The following SDC1 variants were observed in gnomAD, a reference collection of about 807,000 sequenced individuals.
SDC1 encodes the protein syndecan 1.
In SDC1, 14 loss-of-function variants were observed where a neutral mutation model predicts 29.7. The observed-to-expected ratio is 0.47, with a 90% CI of 0.31 to 0.74. The LOEUF (loss-of-function observed/expected upper bound fraction) is 0.74, where lower values mean the gene tolerates loss of function less well. Ranked by LOEUF, SDC1 falls within the 30% of genes least tolerant of loss-of-function variation. The pLI, the probability that SDC1 is intolerant of heterozygous loss-of-function variation, is 0.05. For missense variants in SDC1, 406 were observed against 400.3 expected, an observed-to-expected ratio of 1.01 and a Z score of -0.12; for synonymous variants, 204 against 175.5, an observed-to-expected ratio of 1.16 and a Z score of -1.29.
chr2:20,219,953 G>C (rs925669006), intron 1 of SDC1, among the ~76,000 whole-genome samples: 4 of 152,194 alleles, frequency 2.6e-5, no homozygotes, highest in African/African-American at 9.6e-5. Flanking sequence ...AAAAGAATCT[G>C]CTAATTCCAA....
chr2:20,220,172 G>A (rs1023158257), intron 1 of SDC1, among the ~76,000 whole-genome samples: 17 of 152,184 alleles, frequency 1.1e-4, no homozygotes, highest in Admixed American at 7.8e-4. Context: ...TTGTTTGCCT[G>A]ATGGCACTGT....
Position 20,224,232 on chromosome 2 carries a change from C to T in SDC1, c.66+570G>A, listed in dbSNP as rs1470686587. On this transcript the variant is annotated intron_variant, in intron 1 of 4. Transcript: ENST00000254351. This position sits in a 1 kb window ranked among gnomAD's most constrained non-coding sequence, Gnocchi z 4.9. The stretch of plus-strand genomic sequence containing the variant: ...CAAGCCCGAGGGCCCTGCAGACGCT[C>T]GCCCGCGCCCCCCACGCAGCCCTGG... 2.5e-6 allele frequency: 1 copy of T among 394,356 alleles called. No individual in the cohort carries two copies. Among genetic ancestry groups the T allele is most frequent in the East Asian group, 1.4e-4 (1 of 7,108 alleles). The allele number at this position is 394,356 out of a possible 1,614,324, so 24.4% of individuals were successfully genotyped here.
chr2:20,208,230 G>A (rs779529756), intron 1 of SDC1: 95 of 446,174 alleles, frequency 2.1e-4, no homozygotes, highest in Middle Eastern at 2.2e-3. Context: ...GCCCCAACAC[G>A]TTAGCAGTTT....
Position 20,201,586 on chromosome 2 carries a change from C to CTA in SDC1, c.*1178_*1179dup, listed in dbSNP as rs1442979259. On this transcript the variant is annotated 3_prime_UTR_variant, in exon 5 of 5. Coordinates refer to ENST00000254351, the MANE Select transcript of SDC1 (RefSeq NM_002997.5). ...GTAGAGTTTTGCCAAAAGCAAAAGA[C>CTA]TATCACTCTTTGGAAAATATTCCTG... is the stretch of plus-strand genomic sequence containing the variant. 2 of 152,688 alleles carry CTA rather than the reference C, an allele frequency of 1.3e-5. No homozygotes were observed. The highest frequency in any genetic ancestry group is 4.8e-5 in the African/African-American group (2 of 41,464). The allele number at this position is 152,688 out of a possible 1,614,324, so 9.5% of individuals were successfully genotyped here.
At chr2:20,225,181 C>G (rs879477571), upstream of SDC1, 1 of 205,664 alleles carries the variant, frequency 4.9e-6, no homozygotes, top group Non-Finnish European at 9.7e-6. Context: ...CCAGTCCACA[C>G]CCCCCAGGAC....
intron 1 of SDC1, among the ~76,000 whole-genome samples, chr2:20,217,218 G>A (rs977033784): frequency 2.0e-5 from 3 of 152,188 alleles, no homozygotes; most frequent in Non-Finnish European, 4.4e-5. Flanking sequence ...GTGCTGAATC[G>A]CGAATCCCGT....
At position 20,204,157 on chromosome 2, in the gene SDC1, C is replaced by T; in HGVS notation, c.283G>A (p.Ala95Thr). 2 of 1,601,648 alleles carry T rather than the reference C, an allele frequency of 1.2e-6. No homozygotes were observed. The highest frequency in any genetic ancestry group is 2.2e-5 in the South Asian group (2 of 91,074). The change falls in exon 3 of 5, where the codon GCT (alanine) becomes ACT (threonine). Residue 95 changes from alanine (A) to threonine (T), a missense_variant. Physicochemically the swap from Ala to Thr is moderately conservative, Grantham distance 58 (BLOSUM62 0). Coordinates refer to ENST00000254351, the MANE Select transcript of SDC1 (RefSeq NM_002997.5). ...ATAASTSTLPAGEGPKEGEAV... is the reference protein window; with the variant it reads ...ATAASTSTLPTGEGPKEGEAV... ...TCTCCCTCCTTGGGCCCCTCTCCAGCCGGCAGGGTGGAGGTGGAGGCAGCT... is the reference window on the plus strand; with the variant it reads ...TCTCCCTCCTTGGGCCCCTCTCCAGTCGGCAGGGTGGAGGTGGAGGCAGCT...
At chr2:20,209,237 A>G (rs961257376) in intron 1 of SDC1, among the ~76,000 whole-genome samples, 1 of 151,972 alleles carries the variant, frequency 6.6e-6, no homozygotes, top group African/African-American at 2.4e-5. Context: ...CTTCCCTACA[A>G]CTCCCCTGCA....
chr2:20,220,765 A>C (rs2148297378), intron 1 of SDC1, among the ~76,000 whole-genome samples: 1 of 152,370 alleles, frequency 6.6e-6, no homozygotes, highest in South Asian at 2.1e-4. Flanking sequence ...GTTGAGACTC[A>C]GTCCTGGGGC....
rs1284598994 is a variant in SDC1, at chr2:20,224,859, G to A, written c.9C>T (p.Arg3=). The A allele has an allele frequency of 3.2e-6, 4 of 1,248,644 alleles. No homozygotes were observed. The highest frequency in any genetic ancestry group is 4.0e-6 in the Non-Finnish European group (4 of 998,216). 77.3% of individuals were successfully genotyped at this position (1,248,644 alleles called of 1,614,324 possible). MR[R]AALWLWLCAL... ...CGCACAGCCAGAGCCAGAGCGCCGCGCGCCTCATGCTGCCCGGACCGGCGG... is the reference window on the plus strand; with the variant it reads ...CGCACAGCCAGAGCCAGAGCGCCGCACGCCTCATGCTGCCCGGACCGGCGG... The change falls in exon 1 of 5, where the codon CGC becomes CGT. Residue 3 remains arginine (R), a synonymous_variant. Coordinates refer to ENST00000254351, the MANE Select transcript of SDC1 (RefSeq NM_002997.5). This position sits in a 1 kb window ranked among gnomAD's most constrained non-coding sequence, Gnocchi z 4.9.
chr2:20,214,823 A>G (rs1280441677), intron 1 of SDC1, among the ~76,000 whole-genome samples: 1 of 152,184 alleles, frequency 6.6e-6, no homozygotes, highest in African/African-American at 2.4e-5. Context: ...CTCTAGGGAG[A>G]AAAAGTGATC....
chr2:20,224,726 G>C lies in SDC1; in HGVS notation c.66+76C>G. The C allele has an allele frequency of 2.4e-6, 3 of 1,236,260 alleles. No homozygotes were observed. The African/African-American group carries it at 4.8e-5, about 20-fold the overall frequency. The allele number at this position is 1,236,260 out of a possible 1,614,324, so 76.6% of individuals were successfully genotyped here. Reference sequence around the variant, plus strand: ...GTCTTCGCTCCCCCTCCCCCTCCACGTGCACCCGCCGGCATCCGCGGGTGA... The same window carrying C: ...GTCTTCGCTCCCCCTCCCCCTCCACCTGCACCCGCCGGCATCCGCGGGTGA... On this transcript the variant is annotated intron_variant, in intron 1 of 4. Transcript: ENST00000254351. This position sits in a 1 kb window ranked among gnomAD's most constrained non-coding sequence, Gnocchi z 4.9.
intron 1 of SDC1, among the ~76,000 whole-genome samples, chr2:20,207,013 C>A (rs2148284759): frequency 6.6e-6 from 1 of 152,378 alleles, no homozygotes; most frequent in Middle Eastern, 3.4e-3. Context: ...AGAGGGGGCC[C>A]ACCTGAGGCT....
At chr2:20,217,723 G>A (rs1293770562) in intron 1 of SDC1, among the ~76,000 whole-genome samples, 2 of 152,180 alleles carry the variant, frequency 1.3e-5, no homozygotes, top group Non-Finnish European at 2.9e-5. Flanking sequence ...GGGAGGACCC[G>A]TGGCCCTGGC....
rs1222437701 is a variant in SDC1, at chr2:20,225,081, C to G, written c.-214G>C. 4.2e-6 allele frequency: 2 copies of G among 472,448 alleles called. No homozygotes were observed. Among genetic ancestry groups the G allele is most frequent in the Non-Finnish European group, 6.3e-6 (2 of 315,472 alleles). The allele number at this position is 472,448 out of a possible 1,614,324, so 29.3% of individuals were successfully genotyped here. On this transcript the variant is annotated 5_prime_UTR_variant, in exon 1 of 5. Transcript: ENST00000254351. ...TTCGGCCCGCACCTCTCCCGCCGAG[C>G]TCCGCCTTATAATAAACCCACAGGC...
Position 20,210,079 on chromosome 2 carries a change from C to T in SDC1, c.67-4655G>A, listed in dbSNP as rs538938470. Among the ~76,000 whole-genome samples, 5 of 152,368 alleles carry T rather than the reference C, an allele frequency of 3.3e-5. No homozygotes were observed. The South Asian group carries it at 6.2e-4, about 19-fold the overall frequency. On this transcript the variant is annotated intron_variant, in intron 1 of 4. Transcript: ENST00000254351. ...CATTACTACTAGGCGCGGTGGCTCC[C>T]GCCTGTGATCCCAGCACTTCGGGAG...
Position 20,224,559 on chromosome 2 carries a change from T to A in SDC1, c.66+243A>T, listed in dbSNP as rs1339059603. ...CAGATGTGGAGACGTTTTACATAAT[T>A]GAGCGCGGGGCCCCGGCCCCCCACC... On this transcript the variant is annotated intron_variant, in intron 1 of 4. Coordinates refer to ENST00000254351, the MANE Select transcript of SDC1 (RefSeq NM_002997.5). The surrounding 1 kb of genome is among the most constrained non-coding windows in gnomAD (Gnocchi z 4.9). Among the ~76,000 whole-genome samples the A allele has an allele frequency of 6.6e-6, 1 of 151,032 alleles. No individual in the cohort carries two copies. The highest frequency in any genetic ancestry group is 2.4e-5 in the African/African-American group (1 of 41,084).
At chr2:20,209,975 A>G (rs1012076014) in intron 1 of SDC1, among the ~76,000 whole-genome samples, 1 of 152,238 alleles carries the variant, frequency 6.6e-6, no homozygotes, top group African/African-American at 2.4e-5. Context: ...TTTGGTTTCC[A>G]GCCCGCACCC....
In SDC1 at chr2:20,203,873, C is replaced by A. The variant is rs1677140251; in HGVS notation, c.567G>T (p.Glu189Asp). The change falls in exon 3 of 5, where the codon GAG becomes GAT. Residue 189 changes from glutamate (E) to aspartate (D), a missense_variant. Glu to Asp is a conservative substitution (Grantham distance 45). Transcript: ENST00000254351. Reference protein sequence around the residue: ...HTEDGGPSATERAAEDGASSQ... With the variant: ...HTEDGGPSATDRAAEDGASSQ... ...TGGAGGCTCCATCCTCAGCAGCCCT[C>A]TCGGTGGCAGAAGGACCTCCATCCT... is the stretch of plus-strand genomic sequence containing the variant. 1.9e-6 allele frequency: 3 copies of A among 1,611,548 alleles called. No individual in the cohort carries two copies. Among genetic ancestry groups the A allele is most frequent in the Non-Finnish European group, 2.5e-6 (3 of 1,179,188 alleles).
Sources: gnomAD v4.1 joint callset for allele counts (sites outside exome capture counted in the v4.1 genomes callset) on GRCh38, gnomAD v4.1.1 for gene constraint, Gnocchi (gnomAD v3.1) non-coding constraint, MANE v1.5 for transcripts, NCBI Gene and HGNC (gene_info 2026-07-23, HGNC 2026-07-21) for gene names.